The following COLEC12 variants were observed in gnomAD, a reference collection of about 807,000 sequenced individuals.
COLEC12 encodes collectin-12.
In COLEC12, 33 loss-of-function variants were observed where a neutral mutation model predicts 71.1. The ratio of observed to expected loss-of-function variants is 0.46; its 90% CI spans 0.35 to 0.62. The LOEUF is 0.62. COLEC12 is among the 20% of genes least tolerant of loss of function. The probability of loss-of-function intolerance (pLI) is 0.00; values close to 1 mark genes in which losing one functional copy is unlikely to be tolerated. For missense variants in COLEC12, 765 were observed against 916.1 expected (o/e 0.84, Z 2.13); for synonymous variants, 350 against 353.0 (o/e 0.99, Z 0.10).
chr18:432,146 T>C (rs1201850350), intron 2 of COLEC12, among the ~76,000 whole-genome samples: 6 of 152,256 alleles, frequency 3.9e-5, no homozygotes, highest in South Asian at 2.1e-4. Flanking sequence ...ATAGTGAACC[T>C]GGACTTGATT....
At chr18:335,325 A>C in intron 5 of COLEC12, 95 bp from the exon 6 acceptor site, 1 of 1,336,326 alleles carries the variant, frequency 7.5e-7, no homozygotes, top group Non-Finnish European at 1.0e-6. Context: ...AATTAAAAAA[A>C]CCTAGCATAC....
At chr18:321,952 C>T (rs1276651869) in intron 8 of COLEC12, 145 bp from the exon 9 acceptor site, 8 of 770,374 alleles carry the variant, frequency 1.0e-5, no homozygotes, top group Non-Finnish European at 1.2e-5. Context: ...TCAGTACATG[C>T]TCTTATTCAG....
intron 2 of COLEC12, among the ~76,000 whole-genome samples, chr18:370,677 G>C (rs977748228): frequency 6.6e-6 from 1 of 152,182 alleles, no homozygotes; most frequent in South Asian, 2.1e-4. Flanking sequence ...ATTAAGAAGA[G>C]ATACTTGTCT....
chr18:409,304 GCCGAGGCGGGCAGATCA>G (rs1915847860), intron 2 of COLEC12, among the ~76,000 whole-genome samples: 1 of 152,236 alleles, frequency 6.6e-6, no homozygotes, highest in Non-Finnish European at 1.5e-5. Context: ...ACTTCGGGAG[GCCGAGGCGGGCAGATCA>G]CCTGAGGTCA....
intron 2 of COLEC12, among the ~76,000 whole-genome samples, chr18:418,270 G>A (rs1916028350): frequency 6.6e-6 from 1 of 152,286 alleles, no homozygotes; most frequent in Middle Eastern, 3.4e-3. Flanking sequence ...CCAAGTATTT[G>A]CCTAAAATAA....
chr18:500,410 CAAGGGAAGGTTCG>C lies in COLEC12; in HGVS notation c.7+85_7+97del. On this transcript the variant is annotated intron_variant, in intron 1 of 9. Coordinates refer to ENST00000400256, the MANE Select transcript of COLEC12 (RefSeq NM_130386.3). The surrounding 1 kb of genome is among the most constrained non-coding windows in gnomAD (Gnocchi z 5.3). ...GCCCCGACTCCCCGGGCCCGCAGCC[CAAGGGAAGGTTCG>C]CGCGGGAGGCACCTCCGTGGCCTCC... is the stretch of plus-strand genomic sequence containing the variant. 1.2e-6 allele frequency: 1 copy of C among 818,688 alleles called. No homozygotes were observed. The highest frequency in any genetic ancestry group is 1.6e-6 in the Non-Finnish European group (1 of 635,594). The allele number at this position is 818,688 out of a possible 1,614,324, so 50.7% of individuals were successfully genotyped here.
chr18:398,571 A>G (rs1038672501), intron 2 of COLEC12, among the ~76,000 whole-genome samples: 1 of 152,186 alleles, frequency 6.6e-6, no homozygotes, highest in Admixed American at 6.5e-5. Flanking sequence ...GCAGCTCTGT[A>G]CACTCAGCGG....
At chr18:369,451 T>G (rs1327235072) in intron 2 of COLEC12, among the ~76,000 whole-genome samples, 1 of 35,840 alleles carries the variant, frequency 2.8e-5, no homozygotes, top group African/African-American at 1.3e-4. Flanking sequence ...GGAATAATGT[T>G]TTTTTTTTTT....
At chr18:416,167 G>A (rs972721938) in intron 2 of COLEC12, among the ~76,000 whole-genome samples, 1 of 152,104 alleles carries the variant, frequency 6.6e-6, no homozygotes, top group Non-Finnish European at 1.5e-5. Context: ...AAATCTAACA[G>A]ATAACAATGC....
chr18:374,220 C>G (rs1163952580), intron 2 of COLEC12, among the ~76,000 whole-genome samples: 1 of 152,176 alleles, frequency 6.6e-6, no homozygotes, highest in Non-Finnish European at 1.5e-5. Context: ...AAAAACACAT[C>G]CCTTAATTTC....
chr18:427,062 G>T (rs1193494398), intron 2 of COLEC12, among the ~76,000 whole-genome samples: 1 of 152,196 alleles, frequency 6.6e-6, no homozygotes, highest in African/African-American at 2.4e-5. Context: ...CATTTCCAAT[G>T]CTGACTAACA....
At chr18:470,018 T>C (rs1177031569) in intron 2 of COLEC12, among the ~76,000 whole-genome samples, 9 of 152,120 alleles carry the variant, frequency 5.9e-5, no homozygotes, top group Non-Finnish European at 1.3e-4. Context: ...AGGCATTTGG[T>C]GAATGTGTAT....
At chr18:357,983 G>C (rs1403036654) in intron 2 of COLEC12, among the ~76,000 whole-genome samples, 2 of 152,210 alleles carry the variant, frequency 1.3e-5, no homozygotes, top group African/African-American at 2.4e-5. Flanking sequence ...ATCAGTGGCA[G>C]CATTAGATTC....
chr18:425,619 C>G (rs1287156000), intron 2 of COLEC12, among the ~76,000 whole-genome samples: 1 of 152,196 alleles, frequency 6.6e-6, no homozygotes, highest in Non-Finnish European at 1.5e-5. Context: ...ACAGTCCTTA[C>G]AGGTTTAATT....
intron 2 of COLEC12, among the ~76,000 whole-genome samples, chr18:409,104 G>C (rs956398722): frequency 1.3e-5 from 2 of 149,462 alleles, no homozygotes; most frequent in Admixed American, 6.8e-5. Flanking sequence ...CCAAAGTGCT[G>C]GGATTACAAG....
chr18:379,611 C>T (rs1001264557), intron 2 of COLEC12, among the ~76,000 whole-genome samples: 2 of 151,930 alleles, frequency 1.3e-5, no homozygotes, highest in Non-Finnish European at 2.9e-5. Flanking sequence ...CCAGTCAAAG[C>T]CCAAAATATA....
At chr18:430,334 A>C (rs1916279061) in intron 2 of COLEC12, among the ~76,000 whole-genome samples, 1 of 80,242 alleles carries the variant, frequency 1.2e-5, no homozygotes, top group Non-Finnish European at 2.5e-5. Context: ...ATTCTGTTTC[A>C]AAAAAAAAAA....
rs1914363133 is a variant in COLEC12 at position 346,060 on chromosome 18, C to T, written c.1327+235G>A. ...CTATGTGAACAGGCCACTTAAGTAGCAGACCCTCCAGCCACAGTCAAGCCT... is the reference window on the plus strand; with the variant it reads ...CTATGTGAACAGGCCACTTAAGTAGTAGACCCTCCAGCCACAGTCAAGCCT... On this transcript the variant is annotated intron_variant, in intron 5 of 9. Transcript: ENST00000400256. The surrounding 1 kb of genome is among the most constrained non-coding windows in gnomAD (Gnocchi z 4.0). Among the ~76,000 whole-genome samples, 1 of 152,208 alleles carries T rather than the reference C, an allele frequency of 6.6e-6. No homozygotes were observed. Among genetic ancestry groups the T allele is most frequent in the Non-Finnish European group, 1.5e-5 (1 of 68,034 alleles).
rs2143430945 is a variant in COLEC12, at chr18:331,715, C to T, written c.2016G>A (p.Glu672=). The stretch of plus-strand genomic sequence containing the variant: ...CCAGCCACTTCCATTCATTTTCACG[C>T]TCTGAGTCTGTGAGGCCGATCCAGT... ...ESHWIGLTDS[E]RENEWKWLDG... The change falls in exon 8 of 10, where the codon GAG becomes GAA. Residue 672 remains glutamate, a synonymous_variant. Coordinates refer to ENST00000400256, the MANE Select transcript of COLEC12 (RefSeq NM_130386.3). 2 of 1,614,124 alleles carry T rather than the reference C, an allele frequency of 1.2e-6. No homozygotes were observed. Among genetic ancestry groups the T allele is most frequent in the South Asian group, 1.1e-5 (1 of 91,078 alleles).
Sources: allele counts gnomAD v4.1 joint callset (sites outside exome capture counted in the v4.1 genomes callset), GRCh38; gene constraint gnomAD v4.1.1; non-coding constraint Gnocchi (gnomAD v3.1); transcripts MANE v1.5; gene names NCBI Gene and HGNC (gene_info 2026-07-23, HGNC 2026-07-21).